Variants in NCAM2 observed in about 807,000 individuals in gnomAD.
The protein encoded by NCAM2 is neural cell adhesion molecule 2, also known as N-CAM-2.
NCAM2 carries 30 observed loss-of-function variants against 98.1 expected under a neutral mutation model. The observed-to-expected ratio is 0.31, with a 90% CI of 0.23 to 0.41. The LOEUF is 0.41. Among genes scored for constraint, NCAM2 ranks in the 10% least tolerant of loss-of-function variants. The pLI is 1.00. For synonymous variants in NCAM2, 368 were observed against 342.4 expected (o/e 1.07, Z -0.83); for missense variants, 867 against 1,005.8 (o/e 0.86, Z 1.87).
intron 1 of NCAM2, among the ~76,000 whole-genome samples, chr21:21,073,071 A>G (rs995416109): frequency 3.3e-5 from 5 of 152,176 alleles, no homozygotes; most frequent in Admixed American, 2.6e-4. Context: ...GAATAATGCA[A>G]TATTTGTTTT....
chr21:21,084,570 A>G (rs1396189763), intron 1 of NCAM2, among the ~76,000 whole-genome samples: 6 of 152,336 alleles, frequency 3.9e-5, no homozygotes, highest in South Asian at 4.1e-4. Flanking sequence ...ATTTTTAAGT[A>G]TGTATGATGT....
chr21:21,057,510 C>A (rs975721246), intron 1 of NCAM2, among the ~76,000 whole-genome samples: 2 of 152,038 alleles, frequency 1.3e-5, no homozygotes, highest in Non-Finnish European at 2.9e-5. Flanking sequence ...AGTGTCGGAG[C>A]ACTTATATTC....
chr21:21,047,219 G>A (rs1363280671), intron 1 of NCAM2, among the ~76,000 whole-genome samples: 2 of 152,202 alleles, frequency 1.3e-5, no homozygotes, highest in Non-Finnish European at 2.9e-5. Flanking sequence ...GACAATGCTT[G>A]TAAGTGTTCA....
At chr21:21,379,909 G>A (rs988237338) in intron 9 of NCAM2, among the ~76,000 whole-genome samples, 1 of 152,070 alleles carries the variant, frequency 6.6e-6, no homozygotes, top group Non-Finnish European at 1.5e-5. Flanking sequence ...AAGAAACCCA[G>A]TCCGAGTCCC....
At chr21:21,316,850 A>T (rs762664945) in intron 5 of NCAM2, among the ~76,000 whole-genome samples, 4 of 151,996 alleles carry the variant, frequency 2.6e-5, no homozygotes, top group Non-Finnish European at 5.9e-5. Context: ...GGCCATATTT[A>T]TTCTTGATAT....
chr21:21,027,185 T>A (rs1390104813), intron 1 of NCAM2, among the ~76,000 whole-genome samples: 2 of 152,196 alleles, frequency 1.3e-5, no homozygotes, highest in East Asian at 1.9e-4. Flanking sequence ...GAGTTATAAT[T>A]TTTTAATTGA....
At chr21:21,264,903 T>TATATACACACATATATTAG (rs1238144699) in intron 1 of NCAM2, among the ~76,000 whole-genome samples, 1 of 37,000 alleles carries the variant, frequency 2.7e-5, no homozygotes, top group Non-Finnish European at 4.4e-5. Context: ...TGTGTGTATA[T>TATATACACACATATATTAG]ATATACACAT....
chr21:21,071,781 A>G (rs2065569211), intron 1 of NCAM2, among the ~76,000 whole-genome samples: 1 of 152,200 alleles, frequency 6.6e-6, no homozygotes, highest in Non-Finnish European at 1.5e-5. Context: ...ATGTTTAAAT[A>G]TCTGCGGAAA....
intron 16 of NCAM2, among the ~76,000 whole-genome samples, chr21:21,532,415 A>T (rs113257551): frequency 1.3e-5 from 2 of 152,158 alleles, no homozygotes; most frequent in Non-Finnish European, 1.5e-5. Flanking sequence ...AAAATTAAAA[A>T]GGTCACCAAA....
Position 21,210,599 on chromosome 21 carries a change from A to G in NCAM2, c.56-69979A>G, listed in dbSNP as rs936078288. On this transcript the variant is annotated intron_variant, in intron 1 of 17. Coordinates refer to ENST00000400546, the MANE Select transcript of NCAM2 (RefSeq NM_004540.5). ...GATTCAGGAGGACAAGTTTACCTTG[A>G]TTATCACAACAGGCAAGGTCTCTTT... 2.3e-6 allele frequency: 3 copies of G among 1,288,844 alleles called. No individual in the cohort carries two copies. In the African/African-American group the frequency reaches 4.6e-5, roughly 20 times the overall value. The allele number at this position is 1,288,844 out of a possible 1,614,324, so 79.8% of individuals were successfully genotyped here. A position where few individuals can be genotyped will look rare whatever the true frequency, so the allele number is the denominator to read the frequency against.
At chr21:21,533,839 C>T (rs1989842927) in intron 16 of NCAM2, among the ~76,000 whole-genome samples, 1 of 151,810 alleles carries the variant, frequency 6.6e-6, no homozygotes. Flanking sequence ...TGAAAAATTA[C>T]ATTCACTGTT....
chr21:21,487,405 C>T (rs902862251), intron 15 of NCAM2, among the ~76,000 whole-genome samples: 4 of 151,646 alleles, frequency 2.6e-5, no homozygotes, highest in Non-Finnish European at 5.9e-5. Flanking sequence ...TTTTTTCATA[C>T]AATGGAGTTT....
At chr21:21,524,376 A>G (rs1602557816) in intron 16 of NCAM2, among the ~76,000 whole-genome samples, 1 of 151,768 alleles carries the variant, frequency 6.6e-6, no homozygotes, top group Non-Finnish European at 1.5e-5. Flanking sequence ...CCACCTTTAT[A>G]GCTGGAGACT....
chr21:21,016,499 C>T (rs2064312261), intron 1 of NCAM2, among the ~76,000 whole-genome samples: 2 of 152,112 alleles, frequency 1.3e-5, no homozygotes, highest in African/African-American at 4.8e-5. Context: ...ACTGACAACA[C>T]TGTCAGTGGC....
chr21:21,466,710 C>A lies in NCAM2; in HGVS notation c.1759C>A (p.Gln587Lys). 1 of 1,604,318 alleles carries A rather than the reference C, an allele frequency of 6.2e-7. No homozygotes were observed. ...QGDYSKIEIF[Q>K]TLPVREPSPP... ...AGACTACAGTAAAATAGAAATCTTC[C>A]AAACATTACCAGTTCGTAAGTAATC... Residue 587 changes from glutamine (Q) to lysine (K), a missense_variant, in exon 13 of 18, where the codon CAA (glutamine) becomes AAA (lysine). Gln to Lys is a moderately conservative substitution (Grantham distance 53). Transcript: ENST00000400546.
intron 15 of NCAM2, among the ~76,000 whole-genome samples, chr21:21,487,016 T>C (rs1036169278): frequency 6.6e-6 from 1 of 152,138 alleles, no homozygotes; most frequent in Non-Finnish European, 1.5e-5. Flanking sequence ...ATAAATTCTT[T>C]TAAAAATATT....
At chr21:21,436,885 C>T (rs1299832434) in intron 12 of NCAM2, among the ~76,000 whole-genome samples, 4 of 151,802 alleles carry the variant, frequency 2.6e-5, no homozygotes, top group African/African-American at 9.7e-5. Flanking sequence ...CCTCAGCCTC[C>T]CTAGTAGCTG....
intron 1 of NCAM2, chr21:21,147,340 G>A (rs527610987): frequency 2.0e-5 from 19 of 945,872 alleles, no homozygotes; most frequent in Non-Finnish European, 2.3e-5. Flanking sequence ...GAAAGAAGGG[G>A]CTAGAATCAG....
chr21:21,507,294 A>G (rs1000090120), intron 15 of NCAM2, among the ~76,000 whole-genome samples: 2 of 152,152 alleles, frequency 1.3e-5, no homozygotes, highest in Non-Finnish European at 2.9e-5. Context: ...TTAAAATATT[A>G]AACCTAAGTT....
Sources: gnomAD v4.1 joint callset for allele counts (sites outside exome capture counted in the v4.1 genomes callset) on GRCh38, gnomAD v4.1.1 for gene constraint, MANE v1.5 for transcripts, NCBI Gene and HGNC (gene_info 2026-07-23, HGNC 2026-07-21) for gene names.